RIMS2: variants seen among roughly 807,000 people sequenced by gnomAD.
RIMS2 encodes the protein regulating synaptic membrane exocytosis protein 2.
Under a neutral mutation model 174.4 loss-of-function variants are expected in RIMS2, and 59 were observed. The observed-to-expected ratio is 0.34, with a 90% confidence interval of 0.27 to 0.42. The LOEUF (loss-of-function observed/expected upper bound fraction) is 0.42. Ranked by LOEUF, RIMS2 falls within the 10% of genes least tolerant of loss-of-function variation. The probability of loss-of-function intolerance (pLI) is 1.00; values close to 1 mark genes in which losing one functional copy is unlikely to be tolerated. For synonymous variants in RIMS2, 606 were observed against 572.5 expected, an observed-to-expected ratio of 1.06 and a Z score of -0.84; for missense variants, 1,620 against 1,666.3, an observed-to-expected ratio of 0.97 and a Z score of 0.48.
intron 14 of RIMS2, among the ~76,000 whole-genome samples, chr8:103,950,596 T>G (rs1324107618): frequency 6.6e-6 from 1 of 152,126 alleles, no homozygotes; most frequent in Non-Finnish European, 1.5e-5. Flanking sequence ...TTCATCCCTG[T>G]AAAAGACCCT....
At chr8:103,789,207 T>C (rs953637702) in intron 3 of RIMS2, among the ~76,000 whole-genome samples, 3 of 151,924 alleles carry the variant, frequency 2.0e-5, no homozygotes, top group Non-Finnish European at 2.9e-5. Flanking sequence ...GTACCTCAGA[T>C]GGAAATGCAG....
At chr8:104,025,269 A>G (rs1402463872) in intron 19 of RIMS2, among the ~76,000 whole-genome samples, 2 of 152,066 alleles carry the variant, frequency 1.3e-5, no homozygotes, top group Non-Finnish European at 2.9e-5. Context: ...TGCTTGAGGA[A>G]AGGAGTTTGA....
intron 4 of RIMS2, among the ~76,000 whole-genome samples, chr8:103,887,112 T>C (rs2099207676): frequency 6.6e-6 from 1 of 151,798 alleles, no homozygotes; most frequent in Non-Finnish European, 1.5e-5. Flanking sequence ...CTTTGCCAAT[T>C]GAATAGCCAC....
intron 2 of RIMS2, among the ~76,000 whole-genome samples, chr8:103,719,121 A>C (rs2097413347): frequency 6.6e-6 from 1 of 152,228 alleles, no homozygotes; most frequent in South Asian, 2.1e-4. Context: ...AGTTAAAAAA[A>C]AATGTAGCTG....
In RIMS2 at chr8:103,823,730, G is replaced by A. The variant is rs117037313; in HGVS notation, c.698+57193G>A. Among the ~76,000 whole-genome samples the A allele has an allele frequency of 1.7e-3, 265 of 151,982 alleles. 6 individuals are homozygous for A. The East Asian group carries it at 0.045, about 26-fold the overall frequency. On this transcript the variant is annotated intron_variant, in intron 3 of 23. Transcript: ENST00000504942. ...AGATAATGATTCTTCATCATGGTACGTTAATGACTACTTTGACATTGAAAG... is the reference window on the plus strand; with the variant it reads ...AGATAATGATTCTTCATCATGGTACATTAATGACTACTTTGACATTGAAAG...
intron 19 of RIMS2, among the ~76,000 whole-genome samples, chr8:104,087,047 G>C (rs1480689129): frequency 6.6e-6 from 1 of 152,006 alleles, no homozygotes; most frequent in Non-Finnish European, 1.5e-5. Flanking sequence ...AAAGCTAGTT[G>C]TTAAACATTT....
At chr8:103,990,165 A>G (rs2094592604) in intron 17 of RIMS2, among the ~76,000 whole-genome samples, 1 of 152,160 alleles carries the variant, frequency 6.6e-6, no homozygotes, top group Non-Finnish European at 1.5e-5. Flanking sequence ...GAAGGAACTC[A>G]GAAGTCCCTT....
chr8:103,915,508 A>G, exon 7 of RIMS2: 1 of 1,599,424 alleles, frequency 6.3e-7, no homozygotes, highest in Non-Finnish European at 8.6e-7. Flanking sequence ...GTAGGAGGAA[A>G]GATGACTGAA....
chr8:103,611,853 C>T (rs1232105819), intron 1 of RIMS2, among the ~76,000 whole-genome samples: 1 of 152,010 alleles, frequency 6.6e-6, no homozygotes, highest in Non-Finnish European at 1.5e-5. Flanking sequence ...TTATCCTTTT[C>T]AATAAACTTT....
chr8:103,910,280 CT>C (rs759049222), intron 5 of RIMS2, 40 bp from the exon 8 acceptor site: 1 of 1,419,206 alleles, frequency 7.0e-7, no homozygotes, highest in Non-Finnish European at 9.7e-7. Flanking sequence ...TTGCATGTTT[CT>C]TTTTTGTATC....
chr8:103,788,582 CG>C (rs2098466049), intron 3 of RIMS2, among the ~76,000 whole-genome samples: 1 of 151,820 alleles, frequency 6.6e-6, no homozygotes, highest in African/African-American at 2.4e-5. Context: ...TTAGGCTGCT[CG>C]GGGGTCAGGG....
chr8:104,072,847 G>T (rs2097217995), intron 19 of RIMS2, among the ~76,000 whole-genome samples: 1 of 152,098 alleles, frequency 6.6e-6, no homozygotes. Flanking sequence ...CAGTATACTA[G>T]AAAACTTGAA....
At chr8:104,243,065 T>A (rs2099310743) in intron 19 of RIMS2, among the ~76,000 whole-genome samples, 1 of 152,226 alleles carries the variant, frequency 6.6e-6, no homozygotes, top group South Asian at 2.1e-4. Flanking sequence ...AATTTAATGC[T>A]TTTACATTTA....
At chr8:103,665,200 A>G (rs2096653608) in intron 1 of RIMS2, among the ~76,000 whole-genome samples, 1 of 152,222 alleles carries the variant, frequency 6.6e-6, no homozygotes, top group Non-Finnish European at 1.5e-5. Context: ...GGGTGCAGCA[A>G]ACCAACATGG....
intron 5 of RIMS2, 48 bp downstream of exon 8, chr8:103,910,577 G>A (rs768760792): frequency 1.8e-5 from 20 of 1,122,838 alleles, no homozygotes; most frequent in South Asian, 7.7e-5. Flanking sequence ...TTTGGTCTTC[G>A]TTTGCTCTCT....
At chr8:103,649,211 C>G in intron 1 of RIMS2, among the ~76,000 whole-genome samples, 1 of 152,070 alleles carries the variant, frequency 6.6e-6, no homozygotes, top group East Asian at 1.9e-4. Flanking sequence ...TTAGTTTGGG[C>G]GAATATGCAG....
intron 1 of RIMS2, among the ~76,000 whole-genome samples, chr8:103,617,355 T>A (rs2095529400): frequency 6.6e-6 from 1 of 152,030 alleles, no homozygotes; most frequent in Admixed American, 6.6e-5. Flanking sequence ...TACCCAAAAT[T>A]CAACTGAAGA....
chr8:104,000,991 A>C (rs974165346), intron 17 of RIMS2, among the ~76,000 whole-genome samples: 21 of 151,750 alleles, frequency 1.4e-4, no homozygotes, highest in Admixed American at 1.3e-3. Flanking sequence ...ATAGCTTGCA[A>C]ATTTTTTCTT....
chr8:104,223,277 C>T, intron 19 of RIMS2: 1 of 763,096 alleles, frequency 1.3e-6, no homozygotes, highest in Non-Finnish European at 1.6e-6. Context: ...CCTCCGGCCG[C>T]TGATTGGCGG....
Sources: gnomAD v4.1 joint callset for allele counts (sites outside exome capture counted in the v4.1 genomes callset) on GRCh38, gnomAD v4.1.1 for gene constraint, MANE v1.5 for transcripts, NCBI Gene and HGNC (gene_info 2026-07-23, HGNC 2026-07-21) for gene names.